Variants in GRHL1 observed in about 807,000 individuals in gnomAD.
GRHL1 encodes the protein grainyhead like transcription factor 1.
GRHL1 carries 38 observed loss-of-function variants against 75.7 expected under a neutral mutation model. The ratio of observed to expected loss-of-function variants is 0.50; its 90% CI spans 0.39 to 0.66. The LOEUF (loss-of-function observed/expected upper bound fraction) is 0.66. Ranked by LOEUF, GRHL1 falls within the 30% of genes least tolerant of loss-of-function variation. The pLI is 0.00. For missense variants in GRHL1, 589 were observed against 767.5 expected, an observed-to-expected ratio of 0.77 and a Z score of 2.75; for synonymous variants, 266 against 279.4, an observed-to-expected ratio of 0.95 and a Z score of 0.48.
At chr2:9,972,620 C>A (rs79166687) in intron 8 of GRHL1, among the ~76,000 whole-genome samples, 1,820 of 152,318 alleles carry the variant, frequency 0.012, 32 homozygotes, top group African/African-American at 0.041. Flanking sequence ...TGGAAGGCAG[C>A]CTGCCCGCCA....
chr2:9,983,776 CT>C (rs71391180), intron 8 of GRHL1, among the ~76,000 whole-genome samples: 165 of 143,880 alleles, frequency 1.1e-3, no homozygotes, highest in Non-Finnish European at 1.1e-3. Flanking sequence ...TTTGCATGGA[CT>C]TTTTTTTTTT....
intron 12 of GRHL1, among the ~76,000 whole-genome samples, chr2:9,995,074 T>C (rs1412508713): frequency 6.6e-6 from 1 of 152,186 alleles, no homozygotes; most frequent in East Asian, 1.9e-4. Context: ...TTCTCTGCCA[T>C]GTAAAATTTA....
In GRHL1 at chr2:9,986,227, G is replaced by T; in HGVS notation, c.1214G>T (p.Arg405Leu). Residue 405 changes from arginine (R) to leucine (L), a missense_variant, in exon 9 of 16, where the codon CGC becomes CTC. By Grantham distance (102) the Arg-to-Leu change is moderately radical. Coordinates refer to ENST00000324907, the MANE Select transcript of GRHL1 (RefSeq NM_198182.3). ...GTTGATACCTATAGTTACAACAACC[G>T]CAGCAACAAGCCTGTGCACCGGGCC... ...IQVDTYSYNN[R>L]SNKPVHRAYC... 5 of 1,613,626 alleles carry T rather than the reference G, an allele frequency of 3.1e-6. No homozygotes were observed. Among genetic ancestry groups the T allele is most frequent in the Non-Finnish European group, 4.2e-6 (5 of 1,179,760 alleles).
intron 12 of GRHL1, 131 bp downstream of exon 12, chr2:9,993,375 C>T (rs1224188522): frequency 1.4e-6 from 1 of 710,170 alleles, no homozygotes; most frequent in South Asian, 1.5e-5. Context: ...AGCCTGATGG[C>T]CCATCACTCC....
rs1367389 is a variant in GRHL1, at chr2:9,990,994, C to T, written c.1321+247C>T. ...GTTTTCCCGACCTCAGCGTTTTTGG[C>T]TCTCAGTTCTAGTTCAGACTTCTGT... On this transcript the variant is annotated intron_variant, in intron 10 of 15. Coordinates refer to ENST00000324907, the MANE Select transcript of GRHL1 (RefSeq NM_198182.3). The surrounding 1 kb of genome is among the most constrained non-coding windows in gnomAD (Gnocchi z 4.2). Among the ~76,000 whole-genome samples the T allele has an allele frequency of 0.24, 36,073 of 152,044 alleles. 4,515 individuals are homozygous for T. The highest frequency in any genetic ancestry group is 0.34 in the Admixed American group (5,130 of 15,286).
At chr2:9,973,190 G>A (rs568354485) in intron 8 of GRHL1, among the ~76,000 whole-genome samples, 3 of 152,280 alleles carry the variant, frequency 2.0e-5, no homozygotes, top group South Asian at 2.1e-4. Flanking sequence ...TATTTCTTGG[G>A]GGGTAGCATT....
chr2:9,966,579 TTTTA>T (rs1326737692), intron 8 of GRHL1, among the ~76,000 whole-genome samples: 1 of 152,206 alleles, frequency 6.6e-6, no homozygotes, highest in Admixed American at 6.5e-5. Flanking sequence ...TTACTTTTTC[TTTTA>T]TTTATTCAAT....
intron 14 of GRHL1, among the ~76,000 whole-genome samples, chr2:9,997,008 C>T (rs1029093661): frequency 1.3e-5 from 2 of 152,200 alleles, no homozygotes; most frequent in African/African-American, 4.8e-5. Context: ...AAACGCATGT[C>T]ATCAGCACTG....
intron 8 of GRHL1, among the ~76,000 whole-genome samples, chr2:9,979,478 A>G (rs1032392129): frequency 7.9e-5 from 12 of 152,128 alleles, no homozygotes; most frequent in South Asian, 2.1e-4. Flanking sequence ...GACTCAAGCA[A>G]TCCTCCCACA....
At chr2:9,958,879 A>G (rs750205489) in intron 3 of GRHL1, 23 bp downstream of exon 3, 5 of 1,612,524 alleles carry the variant, frequency 3.1e-6, no homozygotes, top group Non-Finnish European at 3.4e-6. Context: ...GCCTAACAGC[A>G]TAAAGAGTGC....
intron 8 of GRHL1, among the ~76,000 whole-genome samples, chr2:9,975,621 T>C (rs143852232): frequency 0.015 from 2,328 of 152,030 alleles, 26 homozygotes; most frequent in Non-Finnish European, 0.025. Context: ...CTCTTGCCGG[T>C]AATCCCAGCG....
chr2:9,954,948 A>G lies in GRHL1; in HGVS notation c.54A>G (p.Ala18=). Reference sequence around the variant, plus strand: ...CAGTGTTGGTTCTTCAGAATGAAGCACTTTATCCACAGCGGCGGTCCTACA... The same window carrying G: ...CAGTGTTGGTTCTTCAGAATGAAGCGCTTTATCCACAGCGGCGGTCCTACA... ...KRPVLVLQNE[A]LYPQRRSYTS... The change falls in exon 2 of 16, where the codon GCA becomes GCG. Residue 18 remains alanine (A), a synonymous_variant. Coordinates refer to ENST00000324907, the MANE Select transcript of GRHL1 (RefSeq NM_198182.3). 6.2e-7 allele frequency: 1 copy of G among 1,613,668 alleles called. No homozygotes were observed. Among genetic ancestry groups the G allele is most frequent in the Non-Finnish European group, 8.5e-7 (1 of 1,179,718 alleles).
At chr2:9,984,205 A>T (rs926681821) in intron 8 of GRHL1, among the ~76,000 whole-genome samples, 1 of 151,870 alleles carries the variant, frequency 6.6e-6, no homozygotes, top group African/African-American at 2.4e-5. Context: ...CCCCATTATA[A>T]CTTAAATTTT....
chr2:9,977,574 G>A (rs546287802), intron 8 of GRHL1, among the ~76,000 whole-genome samples: 4 of 152,120 alleles, frequency 2.6e-5, no homozygotes, highest in Non-Finnish European at 5.9e-5. Context: ...CGCCCGCCTC[G>A]GCCTCCCAAA....
At chr2:9,972,669 C>G (rs1667777594) in intron 8 of GRHL1, among the ~76,000 whole-genome samples, 1 of 152,160 alleles carries the variant, frequency 6.6e-6, no homozygotes, top group Non-Finnish European at 1.5e-5. Context: ...CTGCCGTGTT[C>G]CGTGCCTGGT....
At chr2:9,956,833 T>C (rs1667047477) in intron 2 of GRHL1, among the ~76,000 whole-genome samples, 1 of 152,182 alleles carries the variant, frequency 6.6e-6, no homozygotes, top group Admixed American at 6.5e-5. Flanking sequence ...AACTCGTTGG[T>C]ACAAGTTTTG....
intron 14 of GRHL1, among the ~76,000 whole-genome samples, chr2:9,997,179 G>A (rs546143586): frequency 6.6e-6 from 1 of 152,328 alleles, no homozygotes; most frequent in Admixed American, 6.5e-5. Context: ...CTTCATGCCA[G>A]GCACTGTGGC....
rs1256953634 is a variant in GRHL1, at chr2:9,951,756, G to T, written c.-78G>T. On this transcript the variant is annotated 5_prime_UTR_variant, in exon 1 of 16. Coordinates refer to ENST00000324907, the MANE Select transcript of GRHL1 (RefSeq NM_198182.3). This position sits in a 1 kb window ranked among gnomAD's most constrained non-coding sequence, Gnocchi z 4.2. ...CTCCGGACCCGCAGCCGCCGCCGCC[G>T]CCTCCTCCCCCCGGATCGGGTGTAC... 4.2e-5 allele frequency: 56 copies of T among 1,322,488 alleles called. No homozygotes were observed. The highest frequency in any genetic ancestry group is 5.3e-5 in the South Asian group (4 of 75,240). The allele number at this position is 1,322,488 out of a possible 1,614,324, so 81.9% of individuals were successfully genotyped here.
chr2:9,976,905 T>C (rs1667970127), intron 8 of GRHL1, among the ~76,000 whole-genome samples: 1 of 152,180 alleles, frequency 6.6e-6, no homozygotes, highest in Non-Finnish European at 1.5e-5. Context: ...CATAAATAGC[T>C]TGAATGCTAA....
Sources: allele counts gnomAD v4.1 joint callset (sites outside exome capture counted in the v4.1 genomes callset), GRCh38; gene constraint gnomAD v4.1.1; non-coding constraint Gnocchi (gnomAD v3.1); transcripts MANE v1.5; gene names NCBI Gene and HGNC (gene_info 2026-07-23, HGNC 2026-07-21).